Variants in MTMR10 observed in about 807,000 individuals in gnomAD.
MTMR10 encodes myotubularin-related protein 10.
Under a neutral mutation model 88.1 loss-of-function variants are expected in MTMR10, and 56 were observed. The ratio of observed to expected loss-of-function variants is 0.64; its 90% CI spans 0.51 to 0.79. The LOEUF (loss-of-function observed/expected upper bound fraction) is 0.79, where lower values mean the gene tolerates loss of function less well. Among genes scored for constraint, MTMR10 ranks in the 30% least tolerant of loss-of-function variants. The pLI, the probability that MTMR10 is intolerant of heterozygous loss-of-function variation, is 0.00. For synonymous variants in MTMR10, 380 were observed against 340.9 expected (o/e 1.11, Z -1.26); for missense variants, 883 against 924.7 (o/e 0.95, Z 0.58).
At chr15:30,954,627 T>C (rs1051685925) in intron 10 of MTMR10, 136 bp downstream of exon 10, 30 of 931,912 alleles carry the variant, frequency 3.2e-5, no homozygotes, top group South Asian at 5.8e-5. Flanking sequence ...TACAATAATA[T>C]ATAATTTGTA....
intron 2 of MTMR10, 117 bp downstream of exon 2, chr15:30,990,660 T>C: frequency 1.2e-6 from 1 of 854,224 alleles, no homozygotes; most frequent in Admixed American, 2.9e-5. Flanking sequence ...ACTAGACTTT[T>C]AACTGGAGAA....
In MTMR10 at chr15:30,953,651, T is replaced by C. The variant is rs1453692759; in HGVS notation, c.1067-20A>G. On this transcript the variant is annotated intron_variant, in intron 10 of 15. Transcript: ENST00000435680. ...AAGGCTCTGTAATAAATTATATACATACACATTTTTACTTTTTATTTTATA... is the reference window on the plus strand; with the variant it reads ...AAGGCTCTGTAATAAATTATATACACACACATTTTTACTTTTTATTTTATA... The C allele has an allele frequency of 1.9e-5, 27 of 1,436,386 alleles. No homozygotes were observed. Among genetic ancestry groups the C allele is most frequent in the Non-Finnish European group, 2.6e-5 (27 of 1,049,740 alleles). 89.0% of individuals were successfully genotyped at this position (1,436,386 alleles called of 1,614,324 possible). A position where few individuals can be genotyped will look rare whatever the true frequency, so the allele number is the denominator to read the frequency against.
At chr15:30,953,998 C>T (rs1214565264) in intron 10 of MTMR10, among the ~76,000 whole-genome samples, 1 of 152,230 alleles carries the variant, frequency 6.6e-6, no homozygotes, top group East Asian at 1.9e-4. Context: ...TTTCTCACTG[C>T]AAGCCTTGCC....
chr15:30,945,625 T>G (rs567084397), intron 14 of MTMR10, among the ~76,000 whole-genome samples: 26 of 152,264 alleles, frequency 1.7e-4, no homozygotes, highest in African/African-American at 6.3e-4. Flanking sequence ...GGGGAAAGCC[T>G]AGCTCGAGGC....
chr15:30,933,859 C>G, the MTMR10 span, among the ~76,000 whole-genome samples: 3 of 152,038 alleles, frequency 2.0e-5, no homozygotes, highest in Admixed American at 1.3e-4. Context: ...CTCCCAGGCT[C>G]AAGCAATTCT....
chr15:30,923,568 G>GAT, the MTMR10 span, among the ~76,000 whole-genome samples: 1 of 152,200 alleles, frequency 6.6e-6, no homozygotes, highest in Admixed American at 6.5e-5. Context: ...CTCCAGGGAA[G>GAT]GGATCGCCTA....
At position 30,948,538 on chromosome 15, in the gene MTMR10, G is replaced by C. The variant is rs930883628; in HGVS notation, c.1208-67C>G. 32 of 1,477,602 alleles carry C rather than the reference G, an allele frequency of 2.2e-5. No homozygotes were observed. In the African/African-American group the frequency reaches 3.5e-4, roughly 16 times the overall value. 91.5% of individuals were successfully genotyped at this position (1,477,602 alleles called of 1,614,324 possible). A position where few individuals can be genotyped will look rare whatever the true frequency, so the allele number is the denominator to read the frequency against. ...ATGCTGAGAGAGAAAGGGAAGGAAA[G>C]GTAAACTAGATAATTTAGTATTCTG... On this transcript the variant is annotated intron_variant, in intron 12 of 15. Coordinates refer to ENST00000435680, the MANE Select transcript of MTMR10 (RefSeq NM_017762.3).
intron 9 of MTMR10, among the ~76,000 whole-genome samples, chr15:30,957,929 A>C (rs1452379150): frequency 6.6e-6 from 1 of 152,212 alleles, no homozygotes; most frequent in Non-Finnish European, 1.5e-5. Flanking sequence ...TTGTGGAAGC[A>C]CATGGGTTTG....
At chr15:30,946,623 C>T (rs942980309) in intron 14 of MTMR10, 5 of 653,988 alleles carry the variant, frequency 7.6e-6, no homozygotes, top group Non-Finnish European at 1.4e-5. Context: ...GTTGTTGGTT[C>T]GAGGTGGGTG....
rs979712282 is a variant in MTMR10, at chr15:30,941,154, T to TG, written c.*315dup. 2 of 1,234,458 alleles carry TG rather than the reference T, an allele frequency of 1.6e-6. No homozygotes were observed. Among genetic ancestry groups the TG allele is most frequent in the African/African-American group, 4.3e-5 (2 of 46,212 alleles). 76.5% of individuals were successfully genotyped at this position (1,234,458 alleles called of 1,614,324 possible). A position where few individuals can be genotyped will look rare whatever the true frequency, so the allele number is the denominator to read the frequency against. On this transcript the variant is annotated 3_prime_UTR_variant, in exon 16 of 16. Coordinates refer to ENST00000435680, the MANE Select transcript of MTMR10 (RefSeq NM_017762.3). ...TGCTGCCTGGGGCTGCTAATGTGAC[T>TG]GACTATCAGATAGCCTTCAGGAGGT...
At chr15:30,974,513 C>T in intron 4 of MTMR10, 57 bp from the exon 5 acceptor site, 1 of 1,343,750 alleles carries the variant, frequency 7.4e-7, no homozygotes, top group South Asian at 1.9e-5. Context: ...TTGTTACTCA[C>T]CCTTTAATAC....
chr15:30,987,150 C>T (rs765996616), intron 2 of MTMR10, among the ~76,000 whole-genome samples: 13 of 152,166 alleles, frequency 8.5e-5, no homozygotes, highest in Non-Finnish European at 1.3e-4. Flanking sequence ...TTCCAGGCTC[C>T]GACATAAATC....
chr15:30,968,377 T>C (rs570573937), intron 5 of MTMR10, among the ~76,000 whole-genome samples: 29 of 152,148 alleles, frequency 1.9e-4, no homozygotes, highest in Admixed American at 3.9e-4. Context: ...AGTTTCATTT[T>C]TGGTGGACTA....
intron 5 of MTMR10, among the ~76,000 whole-genome samples, chr15:30,970,245 G>A (rs146531800): frequency 6.6e-6 from 1 of 152,202 alleles, no homozygotes; most frequent in Non-Finnish European, 1.5e-5. Flanking sequence ...ACTAATCCCT[G>A]TCCTCATGAA....
intron 2 of MTMR10, among the ~76,000 whole-genome samples, chr15:30,977,293 T>A (rs1166451939): frequency 6.6e-6 from 1 of 152,232 alleles, no homozygotes; most frequent in African/African-American, 2.4e-5. Context: ...ACCTGCTCCT[T>A]CAGAGTATTA....
At chr15:30,920,978 T>A in the MTMR10 span, among the ~76,000 whole-genome samples, 1 of 152,180 alleles carries the variant, frequency 6.6e-6, no homozygotes, top group African/African-American at 2.4e-5. Context: ...GAGGTGAGAT[T>A]TCACCATGTT....
intron 7 of MTMR10, 102 bp from the exon 8 acceptor site, chr15:30,959,223 G>T: frequency 9.5e-7 from 1 of 1,050,746 alleles, no homozygotes; most frequent in Non-Finnish European, 1.4e-6. Context: ...CGCATTTAAT[G>T]TGCACCCCAC....
chr15:30,953,054 T>G (rs1000128511), intron 11 of MTMR10, among the ~76,000 whole-genome samples: 3 of 151,930 alleles, frequency 2.0e-5, no homozygotes, highest in Admixed American at 6.5e-5. Flanking sequence ...CCTCCCAAAG[T>G]GCTGGGATTA....
the MTMR10 span, chr15:30,925,381 G>T: frequency 8.0e-7 from 1 of 1,250,846 alleles, no homozygotes; most frequent in Non-Finnish European, 1.1e-6. Context: ...TTTTGAGTGT[G>T]TGTTTTCTTT....
Sources: allele counts gnomAD v4.1 joint callset (sites outside exome capture counted in the v4.1 genomes callset), GRCh38; gene constraint gnomAD v4.1.1; transcripts MANE v1.5; gene names NCBI Gene and HGNC (gene_info 2026-07-23, HGNC 2026-07-21).